Variants in PTK2B observed in about 807,000 individuals in gnomAD.
PTK2B encodes protein-tyrosine kinase 2-beta.
In PTK2B, 71 loss-of-function variants were observed where a neutral mutation model predicts 142.9. The observed-to-expected ratio is 0.50, with a 90% CI of 0.41 to 0.61. The LOEUF (loss-of-function observed/expected upper bound fraction) is 0.61. Ranked by LOEUF, PTK2B falls within the 20% of genes least tolerant of loss-of-function variation. The pLI is 0.00. For missense variants in PTK2B, 1,105 were observed against 1,320.4 expected (o/e 0.84, Z 2.53); for synonymous variants, 519 against 503.4 (o/e 1.03, Z -0.42).
intron 2 of PTK2B, among the ~76,000 whole-genome samples, chr8:27,403,185 C>T (rs1291628570): frequency 6.6e-6 from 1 of 152,188 alleles, no homozygotes; most frequent in East Asian, 1.9e-4. Context: ...TTTCCCAGTA[C>T]TCAGAATGCT....
chr8:27,339,447 C>T (rs1342826758), intron 1 of PTK2B, among the ~76,000 whole-genome samples: 1 of 152,202 alleles, frequency 6.6e-6, no homozygotes, highest in African/African-American at 2.4e-5. Flanking sequence ...CCATCCTTTA[C>T]CATTGGTCCT....
At chr8:27,430,731 T>C in intron 7 of PTK2B, 145 bp from the exon 8 acceptor site, 1 of 1,229,198 alleles carries the variant, frequency 8.1e-7, no homozygotes, top group Non-Finnish European at 1.1e-6. Flanking sequence ...GGTATGGGTT[T>C]TAGGTCATAG....
At chr8:27,370,308 C>CA (rs1273473223) in intron 1 of PTK2B, among the ~76,000 whole-genome samples, 6 of 152,138 alleles carry the variant, frequency 3.9e-5, no homozygotes, top group African/African-American at 1.4e-4. Context: ...ACAGGGCAAT[C>CA]AGAGATGCTT....
At chr8:27,424,689 C>T (rs1285986611) in intron 5 of PTK2B, among the ~76,000 whole-genome samples, 1 of 152,204 alleles carries the variant, frequency 6.6e-6, no homozygotes, top group Non-Finnish European at 1.5e-5. Flanking sequence ...AACTATTTCT[C>T]ACCCAAAGAG....
At chr8:27,412,365 AG>A (rs1178436960) in intron 2 of PTK2B, among the ~76,000 whole-genome samples, 25 of 152,184 alleles carry the variant, frequency 1.6e-4, no homozygotes, top group Admixed American at 1.6e-3. Context: ...GTATAGATTC[AG>A]GTGTAGTCTG....
At chr8:27,330,913 A>G (rs1803708447) in intron 1 of PTK2B, among the ~76,000 whole-genome samples, 1 of 152,158 alleles carries the variant, frequency 6.6e-6, no homozygotes, top group Non-Finnish European at 1.5e-5. Context: ...TGCTGCTTTT[A>G]TGAGGCAGCC....
At chr8:27,377,061 G>A (rs907022534) in intron 1 of PTK2B, among the ~76,000 whole-genome samples, 7 of 152,154 alleles carry the variant, frequency 4.6e-5, no homozygotes, top group African/African-American at 1.7e-4. Context: ...GGAGTGAGGA[G>A]GGTGCAACTT....
chr8:27,359,403 A>C (rs1805571121), intron 1 of PTK2B, among the ~76,000 whole-genome samples: 1 of 152,240 alleles, frequency 6.6e-6, no homozygotes, highest in Admixed American at 6.5e-5. Flanking sequence ...GGCGTGAGCC[A>C]CTGCACCTGG....
At position 27,362,839 on chromosome 8, in the gene PTK2B, A is replaced by ACGAAATCTAGAACTGCTCCCACG. The variant is rs1586163509; in HGVS notation, c.-37-34688_-37-34687insCGCGAAATCTAGAACTGCTCCCA. ...ACACGAAATCTAGAACTGCTCCCAC[A>ACGAAATCTAGAACTGCTCCCACG]CGAAATCTAGAACTGCTCCCATGCG... On this transcript the variant is annotated intron_variant, in intron 1 of 30. Coordinates refer to ENST00000346049, the MANE Select transcript of PTK2B (RefSeq NM_173176.3). 3.3e-5 allele frequency among the ~76,000 whole-genome samples: 5 copies of ACGAAATCTAGAACTGCTCCCACG among 151,404 alleles called. No individual in the cohort carries two copies. The East Asian group carries it at 9.7e-4, about 29-fold the overall frequency.
chr8:27,438,006 C>T, intron 18 of PTK2B, 126 bp downstream of exon 18: 1 of 805,688 alleles, frequency 1.2e-6, no homozygotes, highest in Non-Finnish European at 2.0e-6. Flanking sequence ...ATTGGCCCAG[C>T]AGCTTTGAGC....
At position 27,440,217 on chromosome 8, in the gene PTK2B, G is replaced by A. The variant is rs775741105; in HGVS notation, c.1835-20G>A. On this transcript the variant is annotated intron_variant, in intron 20 of 30. Coordinates refer to ENST00000346049, the MANE Select transcript of PTK2B (RefSeq NM_173176.3). ...GACTGGTCTCCCCCACCCAGGGCCT[G>A]ACGCTCCCTTACACCCCAGCCGTGT... The A allele has an allele frequency of 6.2e-7, 1 of 1,613,462 alleles. No homozygotes were observed. The highest frequency in any genetic ancestry group is 8.5e-7 in the Non-Finnish European group (1 of 1,179,556).
intron 1 of PTK2B, among the ~76,000 whole-genome samples, chr8:27,340,582 G>A (rs756118519): frequency 9.9e-5 from 15 of 152,252 alleles, no homozygotes; most frequent in Non-Finnish European, 1.9e-4. Context: ...GGATAGGATA[G>A]GCAGTTGCAA....
At chr8:27,425,511 T>C (rs778102254) in intron 5 of PTK2B, among the ~76,000 whole-genome samples, 10 of 152,292 alleles carry the variant, frequency 6.6e-5, no homozygotes, top group Non-Finnish European at 1.2e-4. Context: ...ACAGAGTTCC[T>C]ATATACCCCC....
At chr8:27,406,330 T>TG (rs1282852010) in intron 2 of PTK2B, among the ~76,000 whole-genome samples, 1 of 152,148 alleles carries the variant, frequency 6.6e-6, no homozygotes, top group Non-Finnish European at 1.5e-5. Flanking sequence ...TCACAGATTC[T>TG]GGGGTTAGGA....
chr8:27,393,711 A>C (rs1469965852), intron 1 of PTK2B, among the ~76,000 whole-genome samples: 1 of 152,122 alleles, frequency 6.6e-6, no homozygotes, highest in Non-Finnish European at 1.5e-5. Context: ...TCACAGCAAA[A>C]TTGAGCCGAA....
chr8:27,381,433 G>A (rs1807013141), intron 1 of PTK2B, among the ~76,000 whole-genome samples: 1 of 152,162 alleles, frequency 6.6e-6, no homozygotes, highest in Non-Finnish European at 1.5e-5. Flanking sequence ...AGAAAATATA[G>A]TATTTCTCTT....
chr8:27,330,316 A>G (rs1393377241), intron 1 of PTK2B, among the ~76,000 whole-genome samples: 6 of 151,852 alleles, frequency 4.0e-5, no homozygotes, highest in South Asian at 2.1e-4. Context: ...AGCACCATTT[A>G]TTTTTCCAGA....
At chr8:27,378,999 G>C (rs1028827451) in intron 1 of PTK2B, among the ~76,000 whole-genome samples, 3 of 152,182 alleles carry the variant, frequency 2.0e-5, no homozygotes, top group Admixed American at 6.5e-5. Flanking sequence ...CGACACGGGG[G>C]AGCTGGATGC....
At position 27,439,027 on chromosome 8, in the gene PTK2B, C is replaced by T. The variant is rs550810562; in HGVS notation, c.1644-4C>T. 6.2e-7 allele frequency: 1 copy of T among 1,612,864 alleles called. No homozygotes were observed. The highest frequency in any genetic ancestry group is 1.1e-5 in the South Asian group (1 of 91,054). On this transcript the variant is annotated splice_region_variant and splice_polypyrimidine_tract_variant and intron_variant, in intron 18 of 30. Transcript: ENST00000346049. ...TCATCCTGGTCTTGATGCCCTTCTT[C>T]CAGGGACATTGCTGTCCGGAACATC...
Sources: gnomAD v4.1 joint callset for allele counts (sites outside exome capture counted in the v4.1 genomes callset) on GRCh38, gnomAD v4.1.1 for gene constraint, MANE v1.5 for transcripts, NCBI Gene and HGNC (gene_info 2026-07-23, HGNC 2026-07-21) for gene names.